ADTRP: variants seen among roughly 807,000 people sequenced by gnomAD.
ADTRP encodes the protein androgen-dependent TFPI-regulating protein.
Under a neutral mutation model 27.0 loss-of-function variants are expected in ADTRP, and 20 were observed. The ratio of observed to expected loss-of-function variants is 0.74; its 90% CI spans 0.52 to 1.08. The LOEUF (loss-of-function observed/expected upper bound fraction) is 1.08. Ranked by LOEUF, ADTRP falls within the 50% of genes least tolerant of loss-of-function variation. The probability of loss-of-function intolerance (pLI) is 0.00; values close to 1 mark genes in which losing one functional copy is unlikely to be tolerated. For missense variants in ADTRP, 251 were observed against 275.0 expected (o/e 0.91, Z 0.62); for synonymous variants, 101 against 105.2 (o/e 0.96, Z 0.25).
intron 1 of ADTRP, among the ~76,000 whole-genome samples, chr6:11,770,562 G>C (rs956642223): frequency 2.6e-5 from 4 of 152,132 alleles, no homozygotes; most frequent in African/African-American, 7.2e-5. Flanking sequence ...GGGTAGAAGA[G>C]CCAGAAGATA....
chr6:11,751,705 T>C (rs1476747535), intron 3 of ADTRP, among the ~76,000 whole-genome samples: 2 of 152,246 alleles, frequency 1.3e-5, no homozygotes, highest in Admixed American at 1.3e-4. Flanking sequence ...CTATTTCTTC[T>C]TTCTAGAGTA....
chr6:11,752,884 T>C (rs578234297), intron 3 of ADTRP, among the ~76,000 whole-genome samples: 195 of 152,312 alleles, frequency 1.3e-3, no homozygotes, highest in African/African-American at 4.5e-3. Context: ...GAAGAGGCGA[T>C]GGTGATTCCA....
Position 11,778,767 on chromosome 6 carries a change from G to A in ADTRP, c.-8C>T, listed in dbSNP as rs1764043100. On this transcript the variant is annotated 5_prime_UTR_variant, in exon 1 of 6. Coordinates refer to ENST00000414691, the MANE Select transcript of ADTRP (RefSeq NM_032744.4). The stretch of plus-strand genomic sequence containing the variant: ...TGTAGAAGTCTTCGTCATGGCGAGT[G>A]CTGACCGGGGCACCGTGAATGTCTT... The A allele has an allele frequency of 6.2e-7, 1 of 1,612,536 alleles. No individual in the cohort carries two copies. The highest frequency in any genetic ancestry group is 1.3e-5 in the African/African-American group (1 of 74,898).
At chr6:11,728,931 C>A (rs1172364145) in intron 4 of ADTRP, among the ~76,000 whole-genome samples, 1 of 152,158 alleles carries the variant, frequency 6.6e-6, no homozygotes, top group African/African-American at 2.4e-5. Flanking sequence ...AATGACGTTG[C>A]CCCTCAGTTC....
At chr6:11,750,490 C>T (rs1056083700) in intron 3 of ADTRP, among the ~76,000 whole-genome samples, 2 of 152,226 alleles carry the variant, frequency 1.3e-5, no homozygotes, top group Non-Finnish European at 2.9e-5. Context: ...GAAACAAATA[C>T]AAACTCATCC....
At position 11,714,406 on chromosome 6, in the gene ADTRP, G is replaced by GAAAAA; in HGVS notation, c.*67_*71dup. On this transcript the variant is annotated 3_prime_UTR_variant, in exon 6 of 6. Transcript: ENST00000414691. Reference sequence around the variant, plus strand: ...GTTCCTCCACCACCTCCCTCCACCAGAAAAAAAAAAAAAAGATGAGAAAAA... The same window carrying GAAAAA: ...GTTCCTCCACCACCTCCCTCCACCAGAAAAAAAAAAAAAAAAAAAGATGAGAAAAA... 2.9e-5 allele frequency: 40 copies of GAAAAA among 1,362,228 alleles called. No homozygotes were observed. The highest frequency in any genetic ancestry group is 6.8e-5 in the Admixed American group (3 of 44,312). The allele number at this position is 1,362,228 out of a possible 1,614,324, so 84.4% of individuals were successfully genotyped here.
intron 5 of ADTRP, among the ~76,000 whole-genome samples, chr6:11,722,741 G>A (rs114216191): frequency 0.015 from 2,283 of 152,214 alleles, 52 homozygotes; most frequent in African/African-American, 0.052. Flanking sequence ...CAACAGGATT[G>A]TACCCACCTA....
chr6:11,748,277 C>G (rs1762930872), intron 3 of ADTRP, among the ~76,000 whole-genome samples: 1 of 152,188 alleles, frequency 6.6e-6, no homozygotes, highest in African/African-American at 2.4e-5. Context: ...ACAGTGTCAG[C>G]TACAGACGCT....
chr6:11,732,346 G>A (rs548292641), intron 4 of ADTRP, among the ~76,000 whole-genome samples: 41 of 152,192 alleles, frequency 2.7e-4, no homozygotes, highest in African/African-American at 9.6e-4. Context: ...TACCTCATTC[G>A]TGTTATGCCA....
chr6:11,748,069 A>G (rs941685036), intron 3 of ADTRP, among the ~76,000 whole-genome samples: 17 of 152,228 alleles, frequency 1.1e-4, no homozygotes, highest in African/African-American at 3.9e-4. Context: ...CAGAACAGAC[A>G]TTGATTCGCC....
chr6:11,766,509 T>A (rs1158914494), intron 2 of ADTRP, 134 bp from the exon 3 acceptor site: 1 of 560,954 alleles, frequency 1.8e-6, no homozygotes, highest in Non-Finnish European at 3.1e-6. Flanking sequence ...ATTATAGGAA[T>A]GTAGTACATA....
intron 3 of ADTRP, among the ~76,000 whole-genome samples, chr6:11,747,603 C>T (rs1272107219): frequency 6.6e-6 from 1 of 152,180 alleles, no homozygotes; most frequent in Non-Finnish European, 1.5e-5. Flanking sequence ...AACACTTGTT[C>T]TGTTTCTATT....
At chr6:11,739,575 C>T (rs901801832) in intron 3 of ADTRP, among the ~76,000 whole-genome samples, 3 of 119,638 alleles carry the variant, frequency 2.5e-5, no homozygotes, top group African/African-American at 7.5e-5. Flanking sequence ...TACAAAATAG[C>T]CTTGCAGATG....
chr6:11,745,019 T>A (rs1392207205), intron 3 of ADTRP, among the ~76,000 whole-genome samples: 1 of 152,216 alleles, frequency 6.6e-6, no homozygotes, highest in Non-Finnish European at 1.5e-5. Context: ...GACAGATGTT[T>A]CCACACTTTC....
intron 3 of ADTRP, among the ~76,000 whole-genome samples, chr6:11,746,740 A>C (rs1762877585): frequency 6.6e-6 from 1 of 152,228 alleles, no homozygotes; most frequent in Non-Finnish European, 1.5e-5. Context: ...CAAATCTACT[A>C]GGTTTCCAGA....
intron 3 of ADTRP, among the ~76,000 whole-genome samples, chr6:11,739,514 A>C (rs189093412): frequency 2.2e-4 from 34 of 152,350 alleles, no homozygotes; most frequent in African/African-American, 8.2e-4. Flanking sequence ...AACTACAAGC[A>C]TGAAGTATTG....
At chr6:11,735,535 A>G (rs2281127) in intron 4 of ADTRP, 33 bp downstream of exon 4, 74,789 of 1,537,550 alleles carry the variant, frequency 0.049, 6,174 homozygotes, top group East Asian at 0.44. Context: ...TTGAACGACA[A>G]GCCTAAGTTG....
intron 4 of ADTRP, among the ~76,000 whole-genome samples, chr6:11,724,586 T>TA (rs1221476064): frequency 1.5e-4 from 23 of 152,162 alleles, no homozygotes; most frequent in African/African-American, 4.8e-4. Flanking sequence ...GAAATAACTT[T>TA]AAAAAATTAA....
At chr6:11,768,519 C>T in intron 1 of ADTRP, 136 bp from the exon 2 acceptor site, 1 of 1,150,622 alleles carries the variant, frequency 8.7e-7, no homozygotes, top group South Asian at 1.5e-5. Flanking sequence ...TGGTTGAGAG[C>T]CAATTCAAGG....
Sources: gnomAD v4.1 joint callset for allele counts (sites outside exome capture counted in the v4.1 genomes callset) on GRCh38, gnomAD v4.1.1 for gene constraint, MANE v1.5 for transcripts, NCBI Gene and HGNC (gene_info 2026-07-23, HGNC 2026-07-21) for gene names.